The following MRPS2 variants were observed in gnomAD, a reference collection of about 807,000 sequenced individuals.
MRPS2 encodes small ribosomal subunit protein uS2m.
MRPS2 carries 13 observed loss-of-function variants against 18.9 expected under a neutral mutation model. That is an observed-to-expected ratio of 0.69 (90% CI 0.45 to 1.09). MRPS2 has a LOEUF of 1.09. Among genes scored for constraint, MRPS2 ranks in the 50% least tolerant of loss-of-function variants. MRPS2 has a pLI of 0.00. For synonymous variants in MRPS2, 186 were observed against 178.4 expected, an observed-to-expected ratio of 1.04 and a Z score of -0.34; for missense variants, 389 against 421.7, an observed-to-expected ratio of 0.92 and a Z score of 0.68.
In MRPS2 at chr9:135,504,420, GC is replaced by G; in HGVS notation, c.*288del. 1 of 466,650 alleles carries G rather than the reference GC, an allele frequency of 2.1e-6. No individual in the cohort carries two copies. The highest frequency in any genetic ancestry group is 3.1e-5 in the South Asian group (1 of 32,524). 28.9% of individuals were successfully genotyped at this position (466,650 alleles called of 1,614,324 possible). The stretch of plus-strand genomic sequence containing the variant: ...TGGTATGGCCAAGCTGCTAGAAGAT[GC>G]TGCTGTCCCTGTGATCCCAGCAGCC... On this transcript the variant is annotated 3_prime_UTR_variant, in exon 4 of 4. Transcript: ENST00000241600. This position sits in a 1 kb window ranked among gnomAD's most constrained non-coding sequence, Gnocchi z 4.3.
In MRPS2 at chr9:135,500,749, C is replaced by T; in HGVS notation, c.39C>T (p.Gly13=). 1.4e-6 allele frequency: 2 copies of T among 1,477,910 alleles called. No homozygotes were observed. Among genetic ancestry groups the T allele is most frequent in the South Asian group, 1.4e-5 (1 of 73,608 alleles). 91.5% of individuals were successfully genotyped at this position (1,477,910 alleles called of 1,614,324 possible). ...CGGCCGCGCTGCCCCGAATACTCGG[C>T]GCGGGTGAGCGCGCGCTTGCGGGAC... ...TSSAALPRIL[G]AGARAPSRWL... The change falls in exon 1 of 4, where the codon GGC becomes GGT. Residue 13 remains glycine (G), a synonymous_variant. Transcript: ENST00000241600.
At position 135,501,876 on chromosome 9, in the gene MRPS2, A is replaced by G. The variant is rs1381092977; in HGVS notation, c.202A>G (p.Lys68Glu). 1.2e-6 allele frequency: 2 copies of G among 1,613,806 alleles called. No homozygotes were observed. The highest frequency in any genetic ancestry group is 1.7e-5 in the Admixed American group (1 of 60,026). Residue 68 changes from lysine (K) to glutamate (E), a missense_variant, in exon 3 of 4, where the codon AAG (lysine) becomes GAG (glutamate). Physicochemically the swap from Lys to Glu is moderately conservative, Grantham distance 56 (BLOSUM62 1). Transcript: ENST00000241600. ...CGACAAGATTTTGAATGAGCCCCTC[A>G]AGCACTCTGACTTCTTCAATGTCAA... Reference protein sequence around the residue: ...FNDKILNEPLKHSDFFNVKEL... With the variant: ...FNDKILNEPLEHSDFFNVKEL...
At chr9:135,501,269 G>C in intron 2 of MRPS2, 146 bp downstream of exon 2, 1 of 1,432,052 alleles carries the variant, frequency 7.0e-7, no homozygotes. Flanking sequence ...GCTCGCCGCC[G>C]CTCGGTCCTG....
chr9:135,504,244 T>G lies in MRPS2; in HGVS notation c.*111T>G. The G allele has an allele frequency of 4.1e-6, 4 of 977,690 alleles. No homozygotes were observed. The highest frequency in any genetic ancestry group is 2.6e-5 in the East Asian group (1 of 38,122). The allele number at this position is 977,690 out of a possible 1,614,324, so 60.6% of individuals were successfully genotyped here. ...CAGTCGTTGTTACTTACTCAGCTGA[T>G]GTCACAGTGCAGACATCCACCGTTC... On this transcript the variant is annotated 3_prime_UTR_variant, in exon 4 of 4. Transcript: ENST00000241600. This position sits in a 1 kb window ranked among gnomAD's most constrained non-coding sequence, Gnocchi z 4.3.
chr9:135,504,324 G>A lies in MRPS2; in HGVS notation c.*191G>A. On this transcript the variant is annotated 3_prime_UTR_variant, in exon 4 of 4. Coordinates refer to ENST00000241600, the MANE Select transcript of MRPS2 (RefSeq NM_016034.5). The surrounding 1 kb of genome is among the most constrained non-coding windows in gnomAD (Gnocchi z 4.3). ...ACGTTGCCATGTGCGTTTGCTCTGT[G>A]GGGAACAGAGCACAGAGGGTGAGCG... 1.6e-6 allele frequency: 1 copy of A among 622,222 alleles called. No homozygotes were observed. The highest frequency in any genetic ancestry group is 2.8e-6 in the Non-Finnish European group (1 of 357,666). 38.5% of individuals were successfully genotyped at this position (622,222 alleles called of 1,614,324 possible).
chr9:135,503,341 G>T lies in MRPS2; in HGVS notation c.300-201G>T, dbSNP rs541078156. On this transcript the variant is annotated intron_variant, in intron 3 of 3. Coordinates refer to ENST00000241600, the MANE Select transcript of MRPS2 (RefSeq NM_016034.5). ...GGTAGGAGGGGTTAAGCCACGAGAC[G>T]AGGCATGCAGAGGGGTGGCCTGGAT... The T allele has an allele frequency of 3.9e-4, 558 of 1,421,042 alleles. 3 individuals carry two copies. Among genetic ancestry groups the T allele is most frequent in the Middle Eastern group, 1.1e-3 (6 of 5,468 alleles). The allele number at this position is 1,421,042 out of a possible 1,614,324, so 88.0% of individuals were successfully genotyped here.
Position 135,500,994 on chromosome 9 carries a change from C to T in MRPS2, c.44-4C>T. On this transcript the variant is annotated splice_polypyrimidine_tract_variant and splice_region_variant and intron_variant, in intron 1 of 3. Transcript: ENST00000241600. Reference sequence around the variant, plus strand: ...CGCCAGGACCTCTATCTACTTCCCCCCAGGTGCCCGGGCCCCGTCGCGCTG... The same window carrying T: ...CGCCAGGACCTCTATCTACTTCCCCTCAGGTGCCCGGGCCCCGTCGCGCTG... 1.2e-6 allele frequency: 2 copies of T among 1,611,812 alleles called. No homozygotes were observed. The highest frequency in any genetic ancestry group is 2.7e-5 in the African/African-American group (2 of 74,968).
In MRPS2 at chr9:135,503,712, A is replaced by G. The variant is rs1182903800; in HGVS notation, c.470A>G (p.Asn157Ser). The G allele has an allele frequency of 2.5e-6, 4 of 1,613,622 alleles. No individual in the cohort carries two copies. Among genetic ancestry groups the G allele is most frequent in the Non-Finnish European group, 3.4e-6 (4 of 1,180,028 alleles). The stretch of plus-strand genomic sequence containing the variant: ...CGGCAGTTCTCGTACCTGATTGAGA[A>G]CATGGCCCGTGACTGTGGCGAGTAC... ...RNRQFSYLIE[N>S]MARDCGEYAH... Residue 157 changes from asparagine to serine, a missense_variant, in exon 4 of 4, where the codon AAC (asparagine) becomes AGC (serine). Asn to Ser is a conservative substitution (Grantham distance 46). Coordinates refer to ENST00000241600, the MANE Select transcript of MRPS2 (RefSeq NM_016034.5).
At chr9:135,503,034 G>A (rs1300659822) in intron 3 of MRPS2, 1 of 925,366 alleles carries the variant, frequency 1.1e-6, no homozygotes, top group Non-Finnish European at 1.3e-6. Context: ...CCCATGCCCC[G>A]CTTTTCTCAG....
rs962099485 is a variant in MRPS2 at position 135,501,295 on chromosome 9, C to G, written c.169+172C>G. On this transcript the variant is annotated intron_variant, in intron 2 of 3. Coordinates refer to ENST00000241600, the MANE Select transcript of MRPS2 (RefSeq NM_016034.5). ...CTCGGTCCTGCCTGACGTAGCACAG[C>G]GGGCTGAGGCCACCGCCTCACCATG... 1.5e-5 allele frequency: 22 copies of G among 1,422,958 alleles called. 1 individual carries two copies. The South Asian group carries it at 3.3e-4, about 22-fold the overall frequency. 88.1% of individuals were successfully genotyped at this position (1,422,958 alleles called of 1,614,324 possible).
Position 135,504,018 on chromosome 9 carries a change from G to T in MRPS2, c.776G>T (p.Arg259Leu), listed in dbSNP as rs372172970. ...AGGCTCTTCCAGACGGCCATCACCC[G>T]GGCCAAGGAGAAGCGGCAGCAGGTT... Reference protein sequence around the residue: ...YCRLFQTAITRAKEKRQQVEA... With the variant: ...YCRLFQTAITLAKEKRQQVEA... Residue 259 changes from arginine (R) to leucine (L), a missense_variant, in exon 4 of 4, where the codon CGG becomes CTG. Transcript: ENST00000241600. The surrounding 1 kb of genome is among the most constrained non-coding windows in gnomAD (Gnocchi z 4.3). The T allele has an allele frequency of 2.4e-5, 38 of 1,613,342 alleles. No homozygotes were observed. The highest frequency in any genetic ancestry group is 3.1e-5 in the Non-Finnish European group (37 of 1,180,052).
intron 1 of MRPS2, 97 bp downstream of exon 1, chr9:135,500,850 C>G (rs1270965639): frequency 6.7e-7 from 1 of 1,497,948 alleles, no homozygotes; most frequent in Admixed American, 2.0e-5. Context: ...GGAGGGGACC[C>G]GGGGCGAGCG....
Position 135,504,668 on chromosome 9 carries a change from A to G in MRPS2, c.*535A>G, listed in dbSNP as rs1831252442. The G allele has an allele frequency of 6.4e-6, 1 of 156,260 alleles. No homozygotes were observed. The highest frequency in any genetic ancestry group is 1.4e-5 in the Non-Finnish European group (1 of 70,928). The allele number at this position is 156,260 out of a possible 1,614,324, so 9.7% of individuals were successfully genotyped here. ...AAAATAAAACTCAGATTTGGGCAAA[A>G]TGAGACTTGGAGTTTGGGGCTCTGT... On this transcript the variant is annotated 3_prime_UTR_variant, in exon 4 of 4. Transcript: ENST00000241600. The surrounding 1 kb of genome is among the most constrained non-coding windows in gnomAD (Gnocchi z 4.3).
At position 135,503,540 on chromosome 9, in the gene MRPS2, A is replaced by G. The variant is rs1028488967; in HGVS notation, c.300-2A>G. 3.1e-6 allele frequency: 5 copies of G among 1,610,502 alleles called. No individual in the cohort carries two copies. The highest frequency in any genetic ancestry group is 4.2e-6 in the Non-Finnish European group (5 of 1,177,916). ...CCCTTGCCTTGGTGGGGTCTCTGGC[A>G]GGTTTATGGAGCCGTACATCTTTGG... On this transcript the variant is annotated splice_acceptor_variant, in intron 3 of 3. Transcript: ENST00000241600. LOFTEE classifies it high-confidence loss of function.
At chr9:135,501,735 C>A (rs1347991180) in intron 2 of MRPS2, 109 bp from the exon 3 acceptor site, 1 of 1,533,062 alleles carries the variant, frequency 6.5e-7, no homozygotes, top group African/African-American at 1.4e-5. Context: ...GGCTCCCCAC[C>A]TCGGTGTCAC....
upstream of MRPS2, chr9:135,500,252 C>G (rs1831079879): frequency 3.6e-6 from 1 of 281,050 alleles, no homozygotes. Context: ...CTATGCCCCC[C>G]AGCACCCCGA....
rs754512074 is a variant in MRPS2 at position 135,501,851 on chromosome 9, C to T, written c.177C>T (p.Asn59=). 5 of 1,613,538 alleles carry T rather than the reference C, an allele frequency of 3.1e-6. No individual in the cohort carries two copies. The South Asian group carries it at 5.5e-5, about 18-fold the overall frequency. Residue 59 remains asparagine (N), a synonymous_variant, in exon 3 of 4, where the codon AAC becomes AAT. Coordinates refer to ENST00000241600, the MANE Select transcript of MRPS2 (RefSeq NM_016034.5). ...TCCTCCTCCCTGCCGTAGATTTCAACGACAAGATTTTGAATGAGCCCCTCA... is the reference window on the plus strand; with the variant it reads ...TCCTCCTCCCTGCCGTAGATTTCAATGACAAGATTTTGAATGAGCCCCTCA... ...IRESEDSTDF[N]DKILNEPLKH...
chr9:135,500,962 G>A, intron 1 of MRPS2, 36 bp from the exon 2 acceptor site: 2 of 1,609,920 alleles, frequency 1.2e-6, no homozygotes, highest in Non-Finnish European at 1.7e-6. Flanking sequence ...GTGCATTCGG[G>A]ACTCGGCGCC....
intron 2 of MRPS2, 120 bp from the exon 3 acceptor site, chr9:135,501,724 C>CGGCT: frequency 6.6e-7 from 1 of 1,515,708 alleles, no homozygotes; most frequent in South Asian, 1.3e-5. Flanking sequence ...GCTGGGCTCC[C>CGGCT]GGCTCCCCAC....
Sources: gnomAD v4.1 joint callset for allele counts on GRCh38, gnomAD v4.1.1 for gene constraint, Gnocchi (gnomAD v3.1) non-coding constraint, MANE v1.5 for transcripts, NCBI Gene and HGNC (gene_info 2026-07-23, HGNC 2026-07-21) for gene names.